L3MBTL4: variants seen among roughly 807,000 people sequenced by gnomAD.
The protein encoded by L3MBTL4 is L3MBTL histone methyl-lysine binding protein 4.
L3MBTL4 carries 70 observed loss-of-function variants against 84.5 expected under a neutral mutation model. That is an observed-to-expected ratio of 0.83 (90% CI 0.68 to 1.01). The LOEUF (loss-of-function observed/expected upper bound fraction) is 1.01. Ranked by LOEUF, L3MBTL4 falls within the 50% of genes least tolerant of loss-of-function variation. L3MBTL4 has a pLI of 0.00. For missense variants in L3MBTL4, 715 were observed against 754.8 expected (o/e 0.95, Z 0.62); for synonymous variants, 274 against 259.8 (o/e 1.05, Z -0.52).
intron 1 of L3MBTL4, among the ~76,000 whole-genome samples, chr18:6,343,395 G>A (rs149690167): frequency 0.047 from 7,129 of 152,184 alleles, 478 homozygotes; most frequent in African/African-American, 0.15. Flanking sequence ...TGGGTGCGGT[G>A]GCTCATGCCT....
intron 14 of L3MBTL4, among the ~76,000 whole-genome samples, chr18:6,111,863 C>T (rs2059206748): frequency 6.6e-6 from 1 of 152,082 alleles, no homozygotes; most frequent in Non-Finnish European, 1.5e-5. Flanking sequence ...TTAAAATCTA[C>T]TCTCTTAGCA....
At chr18:6,149,576 A>G (rs912959333) in intron 13 of L3MBTL4, among the ~76,000 whole-genome samples, 2 of 152,132 alleles carry the variant, frequency 1.3e-5, no homozygotes, top group East Asian at 1.9e-4. Flanking sequence ...TAATGGGATG[A>G]CTGGGTCAAA....
chr18:5,991,265 A>G (rs1299933093), intron 16 of L3MBTL4, among the ~76,000 whole-genome samples: 3 of 152,182 alleles, frequency 2.0e-5, no homozygotes, highest in Admixed American at 2.0e-4. Flanking sequence ...TATCACAGTC[A>G]GTACTTAGTA....
chr18:6,127,310 C>T (rs972158975), intron 14 of L3MBTL4, among the ~76,000 whole-genome samples: 1 of 152,124 alleles, frequency 6.6e-6, no homozygotes, highest in Non-Finnish European at 1.5e-5. Context: ...TTTAGCTCGT[C>T]AGCTGTCGTT....
chr18:6,193,437 A>C (rs1297477288), intron 12 of L3MBTL4, among the ~76,000 whole-genome samples: 1 of 152,182 alleles, frequency 6.6e-6, no homozygotes, highest in African/African-American at 2.4e-5. Flanking sequence ...AAGAGTACAA[A>C]TCTCTCACCT....
chr18:6,225,589 A>G (rs2046747746), intron 10 of L3MBTL4, among the ~76,000 whole-genome samples: 1 of 152,136 alleles, frequency 6.6e-6, no homozygotes, highest in Non-Finnish European at 1.5e-5. Context: ...GCAAAACACC[A>G]TCTTTACCAA....
At chr18:6,394,246 T>C (rs143945613) in intron 1 of L3MBTL4, among the ~76,000 whole-genome samples, 3,716 of 152,216 alleles carry the variant, frequency 0.024, 162 homozygotes, top group African/African-American at 0.084. Context: ...GTTGGGCAGA[T>C]CACCTGAGGT....
rs149275478 is a variant in L3MBTL4, at chr18:6,097,047, C to T, written c.1200-3519G>A. ...TTTGCAGGAAAGGAAGAGACAGCAG[C>T]AGCTATTAGCTTGACCCACACAAAA... On this transcript the variant is annotated intron_variant, in intron 14 of 18. Coordinates refer to ENST00000317931, the MANE Select transcript of L3MBTL4 (RefSeq NM_001330559.2). Among the ~76,000 whole-genome samples the T allele has an allele frequency of 5.1e-3, 772 of 152,290 alleles. 6 individuals are homozygous for T. The highest frequency in any genetic ancestry group is 0.031 in the Middle Eastern group (9 of 294).
intron 13 of L3MBTL4, among the ~76,000 whole-genome samples, chr18:6,171,373 C>T (rs906795913): frequency 2.0e-5 from 3 of 151,958 alleles, no homozygotes; most frequent in African/African-American, 4.8e-5. Flanking sequence ...AATAAAGATG[C>T]GAGTAAAGTA....
At chr18:6,135,582 C>CT (rs2144600112) in intron 14 of L3MBTL4, among the ~76,000 whole-genome samples, 1 of 152,300 alleles carries the variant, frequency 6.6e-6, no homozygotes, top group East Asian at 1.9e-4. Flanking sequence ...CCACAAATCT[C>CT]TAGGGCAAGG....
rs181266550 is a variant in L3MBTL4 at position 6,272,290 on chromosome 18, G to A, written c.128-8252C>T. Reference sequence around the variant, plus strand: ...AGCAGAGGAGTTTTAGGCTGCTAGGGAAGAAGATGGGAGGGCACCCTACCA... The same window carrying A: ...AGCAGAGGAGTTTTAGGCTGCTAGGAAAGAAGATGGGAGGGCACCCTACCA... On this transcript the variant is annotated intron_variant, in intron 4 of 18. Coordinates refer to ENST00000317931, the MANE Select transcript of L3MBTL4 (RefSeq NM_001330559.2). 1.7e-4 allele frequency among the ~76,000 whole-genome samples: 26 copies of A among 152,328 alleles called. No individual in the cohort carries two copies. In the Middle Eastern group the frequency reaches 0.01, roughly 60 times the overall value.
intron 16 of L3MBTL4, among the ~76,000 whole-genome samples, chr18:6,004,996 AATTTTT>A (rs1208340631): frequency 0.013 from 561 of 41,988 alleles, 16 homozygotes; most frequent in African/African-American, 0.03. Flanking sequence ...TTAAGATGAT[AATTTTT>A]TTTTTTTTTT....
chr18:6,274,967 A>C (rs2049020223), intron 4 of L3MBTL4, among the ~76,000 whole-genome samples: 1 of 152,204 alleles, frequency 6.6e-6, no homozygotes, highest in African/African-American at 2.4e-5. Flanking sequence ...TATGCCTGCC[A>C]CTATGCAAGA....
chr18:6,377,594 TA>T (rs2054420655), intron 1 of L3MBTL4, among the ~76,000 whole-genome samples: 1 of 152,306 alleles, frequency 6.6e-6, no homozygotes. Flanking sequence ...GTTCCTGTGT[TA>T]GTTTGCTGAG....
intron 4 of L3MBTL4, among the ~76,000 whole-genome samples, chr18:6,285,809 A>ATATTATTATTATTATTATTAT (rs139613072): frequency 5.6e-5 from 8 of 143,232 alleles, no homozygotes; most frequent in South Asian, 2.3e-4. Context: ...TTTAAAAGAT[A>ATATTATTATTATTATTATTAT]TATTATTATT....
chr18:6,028,505 T>A (rs2145577055), intron 16 of L3MBTL4, among the ~76,000 whole-genome samples: 1 of 152,328 alleles, frequency 6.6e-6, no homozygotes, highest in East Asian at 1.9e-4. Context: ...CTTAGGATTG[T>A]CTTGGATATA....
intron 13 of L3MBTL4, among the ~76,000 whole-genome samples, chr18:6,156,455 G>C (rs192642931): frequency 6.7e-6 from 1 of 148,392 alleles, no homozygotes; most frequent in East Asian, 1.9e-4. Context: ...AACTGCTCAA[G>C]GTTTCCATTA....
chr18:6,130,296 G>A (rs1052004924), intron 14 of L3MBTL4, among the ~76,000 whole-genome samples: 6 of 151,272 alleles, frequency 4.0e-5, no homozygotes, highest in Middle Eastern at 3.4e-3. Flanking sequence ...GGGAACAGAC[G>A]TGAAAAGAAG....
chr18:6,411,968 TAGTAG>T (rs1162455881), intron 1 of L3MBTL4, among the ~76,000 whole-genome samples: 1 of 152,218 alleles, frequency 6.6e-6, no homozygotes, highest in Non-Finnish European at 1.5e-5. Flanking sequence ...AATAATATTT[TAGTAG>T]AGTAATTTGA....
Sources: allele counts gnomAD v4.1 joint callset (sites outside exome capture counted in the v4.1 genomes callset), GRCh38; gene constraint gnomAD v4.1.1; transcripts MANE v1.5; gene names NCBI Gene and HGNC (gene_info 2026-07-23, HGNC 2026-07-21).